The following CFAP141 variants were observed in gnomAD, a reference collection of about 807,000 sequenced individuals.
The protein encoded by CFAP141 is cilia- and flagella-associated protein 141.
the CFAP141 span, chr1:154,200,500 T>C: frequency 1.2e-6 from 2 of 1,614,208 alleles, no homozygotes; most frequent in South Asian, 2.2e-5. Context: ...TCCTGTACCA[T>C]GGTGTCCTGC....
chr1:154,203,180 TATATATATATATATATATATATATATATA>T, the CFAP141 span, among the ~76,000 whole-genome samples: 1 of 4,618 alleles, frequency 2.2e-4, no homozygotes, highest in African/African-American at 2.7e-3. Context: ...CAAATATATA[TATATATATATATATATATATATATATATA>T]TATATATATA....
At chr1:154,200,641 G>C in the CFAP141 span, 12 of 1,591,140 alleles carry the variant, frequency 7.5e-6, no homozygotes, top group Non-Finnish European at 9.4e-6. Context: ...GTTAGGAGTA[G>C]AGACAAAAAA....
At chr1:154,206,210 TATAGTA>T in the CFAP141 span, 1 of 1,452,880 alleles carries the variant, frequency 6.9e-7, no homozygotes, top group Non-Finnish European at 9.7e-7. Flanking sequence ...AAGATGCACT[TATAGTA>T]AATTGATCTG....
At chr1:154,200,130 C>G in the CFAP141 span, among the ~76,000 whole-genome samples, 2 of 152,208 alleles carry the variant, frequency 1.3e-5, no homozygotes, top group Admixed American at 6.5e-5. Context: ...CCGTCTTGGC[C>G]CCCCAAAGTG....
the CFAP141 span, among the ~76,000 whole-genome samples, chr1:154,202,313 T>G: frequency 6.6e-6 from 1 of 152,012 alleles, no homozygotes; most frequent in African/African-American, 2.4e-5. Context: ...AGACCTCAAG[T>G]GATCAGCCTG....
chr1:154,202,307 C>A, the CFAP141 span, among the ~76,000 whole-genome samples: 1 of 151,894 alleles, frequency 6.6e-6, no homozygotes, highest in Non-Finnish European at 1.5e-5. Context: ...AACTCCAGAC[C>A]TCAAGTGATC....
At chr1:154,199,242 G>T in the CFAP141 span, 11 of 388,118 alleles carry the variant, frequency 2.8e-5, no homozygotes, top group Non-Finnish European at 4.8e-5. Flanking sequence ...TTCATAGATT[G>T]TTTCCCAAAT....
chr1:154,205,604 A>C, the CFAP141 span: 1 of 1,614,062 alleles, frequency 6.2e-7, no homozygotes, highest in Non-Finnish European at 8.5e-7. Flanking sequence ...TTACCTGTCG[A>C]CCGTCTTCTT....
At chr1:154,205,636 ACT>A in the CFAP141 span, 49 of 1,612,790 alleles carry the variant, frequency 3.0e-5, no homozygotes, top group African/African-American at 4.0e-5. Flanking sequence ...CCTTTTGAAA[ACT>A]CTGCAAGAAA....
the CFAP141 span, among the ~76,000 whole-genome samples, chr1:154,204,943 G>A: frequency 6.7e-6 from 1 of 149,980 alleles, no homozygotes; most frequent in African/African-American, 2.5e-5. Context: ...GTGCAGTGGT[G>A]CGATCTTGGC....
chr1:154,205,726 C>CA, the CFAP141 span: 32 of 1,240,006 alleles, frequency 2.6e-5, no homozygotes, highest in Middle Eastern at 1.9e-4. Context: ...TTTTTTGAGA[C>CA]AGAGTTTTGC....
the CFAP141 span, among the ~76,000 whole-genome samples, chr1:154,203,234 T>TATAC: frequency 2.6e-5 from 2 of 78,328 alleles, no homozygotes; most frequent in Non-Finnish European, 2.5e-5. Context: ...TATATATATA[T>TATAC]ACTTTGTTGG....
the CFAP141 span, among the ~76,000 whole-genome samples, chr1:154,203,160 TCTGA>T: frequency 2.2e-5 from 2 of 90,336 alleles, no homozygotes; most frequent in African/African-American, 8.7e-5. Flanking sequence ...AGTTGTTATC[TCTGA>T]CTGGGCAAAT....
At chr1:154,199,985 G>A in the CFAP141 span, among the ~76,000 whole-genome samples, 3 of 152,006 alleles carry the variant, frequency 2.0e-5, no homozygotes, top group Non-Finnish European at 2.9e-5. Flanking sequence ...AGTGATTCTC[G>A]TGCCTCGGCC....
the CFAP141 span, among the ~76,000 whole-genome samples, chr1:154,203,083 T>C: frequency 6.9e-6 from 1 of 144,174 alleles, no homozygotes; most frequent in African/African-American, 2.5e-5. Flanking sequence ...ATTGCACCAC[T>C]GCACTCTAGC....
chr1:154,203,977 A>T, the CFAP141 span, among the ~76,000 whole-genome samples: 2 of 151,946 alleles, frequency 1.3e-5, no homozygotes, highest in African/African-American at 4.8e-5. Context: ...TGTAATCCCA[A>T]CTACTCAGGA....
chr1:154,205,738 C>T, the CFAP141 span: 21 of 1,133,714 alleles, frequency 1.9e-5, no homozygotes, highest in Admixed American at 3.0e-4. Flanking sequence ...GAGTTTTGCT[C>T]TTGTTGCCCA....
chr1:154,202,307 C>T, the CFAP141 span, among the ~76,000 whole-genome samples: 1 of 151,894 alleles, frequency 6.6e-6, no homozygotes, highest in Non-Finnish European at 1.5e-5. Context: ...AACTCCAGAC[C>T]TCAAGTGATC....
the CFAP141 span, among the ~76,000 whole-genome samples, chr1:154,203,554 A>C: frequency 6.6e-6 from 1 of 151,808 alleles, no homozygotes; most frequent in Non-Finnish European, 1.5e-5. Flanking sequence ...TCAGCTGTCT[A>C]AATAGCCAGG....
Sources: allele counts gnomAD v4.1 joint callset (sites outside exome capture counted in the v4.1 genomes callset), GRCh38; gene constraint gnomAD v4.1.1; transcripts MANE v1.5; gene names NCBI Gene and HGNC (gene_info 2026-07-23, HGNC 2026-07-21).